Variants in XPO7 observed in about 807,000 individuals in gnomAD.
XPO7 encodes the protein exportin 7.
Under a neutral mutation model 144.3 loss-of-function variants are expected in XPO7, and 21 were observed. The observed-to-expected ratio is 0.15, with a 90% confidence interval of 0.10 to 0.21. XPO7 has a LOEUF of 0.21. Ranked by LOEUF, XPO7 falls within the 10% of genes least tolerant of loss-of-function variation. The probability of loss-of-function intolerance (pLI) is 1.00; values close to 1 mark genes in which losing one functional copy is unlikely to be tolerated. For missense variants in XPO7, 808 were observed against 1,325.8 expected (o/e 0.61, Z 6.06); for synonymous variants, 580 against 499.6 (o/e 1.16, Z -2.15).
chr8:21,985,658 A>C lies in XPO7; in HGVS notation c.1544A>C (p.Glu515Ala). Residue 515 changes from glutamate (E) to alanine (A), a missense_variant, in exon 13 of 28, where the codon GAG becomes GCG. This residue lies in a region of XPO7 where 416 missense variants were observed against 612.5 expected (regional missense o/e 0.68). Coordinates refer to ENST00000252512, the MANE Select transcript of XPO7 (RefSeq NM_015024.5). ...CGGGTTTCTTTTGCCAGCACTGATG[A>C]GCAAGACGCCATGGATGGTGAGCTT... Reference protein sequence around the residue: ...GGRVSFASTDEQDAMDGELVC... With the variant: ...GGRVSFASTDAQDAMDGELVC... The C allele has an allele frequency of 6.2e-7, 1 of 1,613,734 alleles. No homozygotes were observed. Among genetic ancestry groups the C allele is most frequent in the Non-Finnish European group, 8.5e-7 (1 of 1,179,880 alleles).
intron 8 of XPO7, among the ~76,000 whole-genome samples, chr8:21,979,397 C>CTTTTTTTTTTT (rs571937098): frequency 7.5e-6 from 1 of 132,588 alleles, no homozygotes; most frequent in Non-Finnish European, 1.6e-5. Flanking sequence ...TTTTTTTTTT[C>CTTTTTTTTTTT]TTTTTTTTTT....
At chr8:21,950,813 G>A (rs1049895926) in intron 1 of XPO7, among the ~76,000 whole-genome samples, 5 of 151,740 alleles carry the variant, frequency 3.3e-5, no homozygotes, top group African/African-American at 7.3e-5. Flanking sequence ...ATATTCTACC[G>A]TAAATTTATA....
At chr8:21,966,165 T>C in intron 1 of XPO7, 1 of 661,680 alleles carries the variant, frequency 1.5e-6, no homozygotes, top group Non-Finnish European at 2.8e-6. Context: ...TGCTTGTGGG[T>C]GTTTCCCTTG....
At chr8:21,998,309 CG>C (rs1034585537) in intron 21 of XPO7, among the ~76,000 whole-genome samples, 5 of 152,040 alleles carry the variant, frequency 3.3e-5, no homozygotes, top group African/African-American at 1.2e-4. Context: ...GGCGTGGTGG[CG>C]GGCACCTGTA....
intron 18 of XPO7, 153 bp from the exon 19 acceptor site, chr8:21,991,715 G>T: frequency 1.9e-6 from 1 of 531,170 alleles, no homozygotes; most frequent in South Asian, 2.9e-5. Flanking sequence ...ATATATACAT[G>T]TTGCTCTTAC....
At chr8:21,961,519 A>G (rs900889232) in intron 1 of XPO7, among the ~76,000 whole-genome samples, 2 of 152,076 alleles carry the variant, frequency 1.3e-5, no homozygotes, top group Admixed American at 1.3e-4. Flanking sequence ...CACAGCCTCC[A>G]TATGTGTACC....
chr8:21,998,906 G>A (rs1813042685), intron 22 of XPO7, 69 bp downstream of exon 22: 2 of 1,567,918 alleles, frequency 1.3e-6, no homozygotes, highest in East Asian at 2.2e-5. Context: ...TAAGCAGCAT[G>A]TGGGTCTCTG....
intron 1 of XPO7, among the ~76,000 whole-genome samples, chr8:21,955,838 C>T (rs1361311241): frequency 1.4e-5 from 2 of 145,984 alleles, no homozygotes; most frequent in Non-Finnish European, 3.0e-5. Context: ...ATGTGATTCT[C>T]CTGCCTCGGC....
At chr8:22,004,376 T>C (rs56742663) in intron 27 of XPO7, among the ~76,000 whole-genome samples, 3,632 of 152,270 alleles carry the variant, frequency 0.024, 142 homozygotes, top group African/African-American at 0.082. Context: ...TGTATTTAGA[T>C]TTCATAAATT....
chr8:21,978,306 T>C (rs554420237), intron 8 of XPO7, among the ~76,000 whole-genome samples: 1 of 152,350 alleles, frequency 6.6e-6, no homozygotes, highest in East Asian at 1.9e-4. Flanking sequence ...TATTTCTCTT[T>C]TAAAGCCATA....
chr8:21,924,925 G>T (rs1419038083), intron 1 of XPO7, among the ~76,000 whole-genome samples: 1 of 152,050 alleles, frequency 6.6e-6, no homozygotes, highest in Non-Finnish European at 1.5e-5. Flanking sequence ...TCCCATTTTT[G>T]TTACTGTGCA....
chr8:21,983,245 A>AAGAATT (rs1474680610), intron 11 of XPO7, among the ~76,000 whole-genome samples: 1 of 152,248 alleles, frequency 6.6e-6, no homozygotes, highest in Non-Finnish European at 1.5e-5. Flanking sequence ...TAGAACACAT[A>AAGAATT]AGAATTCTAA....
At chr8:21,958,610 GAA>G (rs537417045) in intron 1 of XPO7, among the ~76,000 whole-genome samples, 4 of 138,946 alleles carry the variant, frequency 2.9e-5, no homozygotes, top group Admixed American at 7.2e-5. Flanking sequence ...ACATGGCAGT[GAA>G]AAAAAAAAAA....
At chr8:22,001,503 C>T (rs943928944) in intron 24 of XPO7, among the ~76,000 whole-genome samples, 1 of 152,114 alleles carries the variant, frequency 6.6e-6, no homozygotes, top group African/African-American at 2.4e-5. Flanking sequence ...TCTGCAGCTC[C>T]CCCCAGAGAT....
intron 1 of XPO7, among the ~76,000 whole-genome samples, chr8:21,950,749 A>G (rs981141392): frequency 5.9e-5 from 9 of 152,164 alleles, no homozygotes; most frequent in African/African-American, 2.2e-4. Context: ...ATTAATTTGT[A>G]TAAAATTTAT....
At position 21,919,675 on chromosome 8, in the gene XPO7, A is replaced by AGCGGCGACGGCGTCG. The variant is rs1272359250; in HGVS notation, c.-89_-75dup. ...CGACGAGTCCCCAGCGCGCAGGCGC[A>AGCGGCGACGGCGTCG]GCGGCGACGGCGTCGGCGGCGGCGG... On this transcript the variant is annotated 5_prime_UTR_variant, in exon 1 of 28. Transcript: ENST00000252512. The AGCGGCGACGGCGTCG allele has an allele frequency of 5.5e-6, 1 of 180,494 alleles. No individual in the cohort carries two copies. Among genetic ancestry groups the AGCGGCGACGGCGTCG allele is most frequent in the East Asian group, 1.8e-4 (1 of 5,634 alleles). 11.2% of individuals were successfully genotyped at this position (180,494 alleles called of 1,614,324 possible).
intron 4 of XPO7, 66 bp from the exon 5 acceptor site, chr8:21,971,810 T>G (rs779026042): frequency 2.0e-5 from 27 of 1,336,160 alleles, no homozygotes; most frequent in Admixed American, 1.7e-5. Flanking sequence ...AAAGTATGAG[T>G]GCATTCCAAA....
At chr8:21,996,809 T>G (rs912530007) in intron 21 of XPO7, among the ~76,000 whole-genome samples, 22 of 152,194 alleles carry the variant, frequency 1.4e-4, no homozygotes, top group South Asian at 1.2e-3. Context: ...TATTTATTTA[T>G]TTAGTTAGTT....
chr8:21,994,829 G>A (rs955272263), intron 20 of XPO7, among the ~76,000 whole-genome samples: 33 of 152,180 alleles, frequency 2.2e-4, no homozygotes, highest in African/African-American at 5.8e-4. Flanking sequence ...CGAGGTGGGC[G>A]GATCACGAGG....
Sources: gnomAD v4.1 joint callset for allele counts (sites outside exome capture counted in the v4.1 genomes callset) on GRCh38, gnomAD v4.1.1 for gene constraint, gnomAD v4.1.1 regional missense constraint, MANE v1.5 for transcripts, NCBI Gene and HGNC (gene_info 2026-07-23, HGNC 2026-07-21) for gene names.